The following VRK1 variants were observed in gnomAD, a reference collection of about 807,000 sequenced individuals.
VRK1 encodes serine/threonine-protein kinase VRK1.
In VRK1, 33 loss-of-function variants were observed where a neutral mutation model predicts 57.1. The ratio of observed to expected loss-of-function variants is 0.58; its 90% CI spans 0.44 to 0.77. VRK1 has a LOEUF of 0.77. VRK1 is among the 30% of genes least tolerant of loss of function. The pLI is 0.00. For synonymous variants in VRK1, 137 were observed against 147.8 expected, an observed-to-expected ratio of 0.93 and a Z score of 0.53; for missense variants, 413 against 477.3, an observed-to-expected ratio of 0.87 and a Z score of 1.25.
intron 5 of VRK1, among the ~76,000 whole-genome samples, chr14:96,852,624 C>G (rs1887994863): frequency 6.6e-6 from 1 of 152,032 alleles, no homozygotes. Context: ...AGGAAGAGGC[C>G]CTCCAGGTAA....
At chr14:96,858,087 T>A (rs1013904915) in intron 10 of VRK1, among the ~76,000 whole-genome samples, 1 of 152,182 alleles carries the variant, frequency 6.6e-6, no homozygotes, top group Non-Finnish European at 1.5e-5. Context: ...TTTGTTTTTT[T>A]GAGACAGGGT....
chr14:96,831,003 A>G (rs1185472717), intron 1 of VRK1, among the ~76,000 whole-genome samples: 1 of 152,210 alleles, frequency 6.6e-6, no homozygotes, highest in East Asian at 1.9e-4. Context: ...AACAGGCTTC[A>G]GCCTCTTGAG....
At chr14:96,842,505 T>C (rs2139771269) in intron 3 of VRK1, among the ~76,000 whole-genome samples, 1 of 152,338 alleles carries the variant, frequency 6.6e-6, no homozygotes, top group Middle Eastern at 3.4e-3. Flanking sequence ...ATATATAGTA[T>C]GAAGGTTGTC....
intron 1 of VRK1, among the ~76,000 whole-genome samples, chr14:96,799,848 C>T (rs539355283): frequency 1.1e-4 from 17 of 151,998 alleles, no homozygotes; most frequent in African/African-American, 3.4e-4. Context: ...GCAGAGATCA[C>T]GTGCCCCCTA....
chr14:96,825,823 A>C (rs1886779107), intron 1 of VRK1, among the ~76,000 whole-genome samples: 4 of 152,224 alleles, frequency 2.6e-5, no homozygotes, highest in Admixed American at 2.6e-4. Flanking sequence ...CATATCAGAG[A>C]AGTTTATGAC....
At chr14:96,801,025 A>G (rs1309639030) in intron 1 of VRK1, among the ~76,000 whole-genome samples, 2 of 152,206 alleles carry the variant, frequency 1.3e-5, no homozygotes. Flanking sequence ...ACTGAAAGTC[A>G]TTAGGAACAC....
intron 11 of VRK1, among the ~76,000 whole-genome samples, chr14:96,863,224 C>G (rs536294715): frequency 6.6e-6 from 1 of 152,278 alleles, no homozygotes; most frequent in East Asian, 1.9e-4. Context: ...AGTACAAAGT[C>G]AAATATTTTT....
chr14:96,830,615 A>G (rs73357317), intron 1 of VRK1, among the ~76,000 whole-genome samples: 4,287 of 152,176 alleles, frequency 0.028, 196 homozygotes, highest in African/African-American at 0.098. Flanking sequence ...TTTGGGAGGC[A>G]TGTTTTCTTA....
intron 11 of VRK1, among the ~76,000 whole-genome samples, chr14:96,874,035 G>A (rs970073903): frequency 2.0e-5 from 3 of 152,140 alleles, no homozygotes; most frequent in Non-Finnish European, 4.4e-5. Flanking sequence ...TATTAAATAA[G>A]CTTGAAAACT....
intron 1 of VRK1, among the ~76,000 whole-genome samples, chr14:96,811,993 G>C (rs181523606): frequency 1.4e-4 from 22 of 152,164 alleles, no homozygotes; most frequent in Admixed American, 1.4e-3. Flanking sequence ...GAATAGTTTT[G>C]TCTATAAATT....
intron 3 of VRK1, among the ~76,000 whole-genome samples, chr14:96,844,037 A>G (rs1566702731): frequency 1.3e-5 from 2 of 152,240 alleles, no homozygotes; most frequent in Non-Finnish European, 2.9e-5. Context: ...GATTTGTCTT[A>G]GGAAAACCTC....
At chr14:96,826,319 T>G (rs1886800075) in intron 1 of VRK1, among the ~76,000 whole-genome samples, 1 of 152,214 alleles carries the variant, frequency 6.6e-6, no homozygotes, top group African/African-American at 2.4e-5. Flanking sequence ...AGTTCCAAGC[T>G]TGCTTTGTGT....
intron 11 of VRK1, among the ~76,000 whole-genome samples, chr14:96,863,854 G>A (rs1346405666): frequency 6.6e-6 from 1 of 152,112 alleles, no homozygotes; most frequent in East Asian, 1.9e-4. Context: ...TAAGTGCAAA[G>A]CCCTTCCATT....
intron 3 of VRK1, among the ~76,000 whole-genome samples, chr14:96,840,158 C>T (rs1272990901): frequency 6.6e-6 from 1 of 152,032 alleles, no homozygotes; most frequent in African/African-American, 2.4e-5. Context: ...CCCCTTTTGC[C>T]CTGCAGGCTT....
chr14:96,850,876 G>C (rs1436558098), intron 5 of VRK1, among the ~76,000 whole-genome samples: 3 of 152,148 alleles, frequency 2.0e-5, no homozygotes, highest in Non-Finnish European at 4.4e-5. Context: ...TGAACATCTT[G>C]TTGGCACTAA....
intron 2 of VRK1, among the ~76,000 whole-genome samples, chr14:96,836,078 C>T (rs1887200574): frequency 6.6e-6 from 1 of 152,142 alleles, no homozygotes; most frequent in African/African-American, 2.4e-5. Flanking sequence ...TGTGCTTCAG[C>T]CGTCTTGCTG....
chr14:96,862,596 A>C (rs1448232519), intron 11 of VRK1, among the ~76,000 whole-genome samples: 1 of 149,890 alleles, frequency 6.7e-6, no homozygotes, highest in Non-Finnish European at 1.5e-5. Context: ...CATTTTCTTC[A>C]TATAATTTGT....
intron 1 of VRK1, among the ~76,000 whole-genome samples, chr14:96,811,587 G>A (rs1394052837): frequency 1.3e-5 from 2 of 152,260 alleles, no homozygotes; most frequent in East Asian, 1.9e-4. Flanking sequence ...AGTGAGTCAG[G>A]AACTACCCTG....
chr14:96,861,156 G>A (rs1888375163), intron 11 of VRK1, among the ~76,000 whole-genome samples: 1 of 152,034 alleles, frequency 6.6e-6, no homozygotes, highest in Non-Finnish European at 1.5e-5. Context: ...CTTGTTTGTT[G>A]GTGTGGTGCA....
Sources: gnomAD v4.1 joint callset for allele counts (sites outside exome capture counted in the v4.1 genomes callset) on GRCh38, gnomAD v4.1.1 for gene constraint, MANE v1.5 for transcripts, NCBI Gene and HGNC (gene_info 2026-07-23, HGNC 2026-07-21) for gene names.